ADH5: variants seen among roughly 807,000 people sequenced by gnomAD.
ADH5 encodes the protein alcohol dehydrogenase class-3.
Under a neutral mutation model 40.3 loss-of-function variants are expected in ADH5, and 32 were observed. That is an observed-to-expected ratio of 0.79 (90% CI 0.60 to 1.07). The LOEUF is 1.07. Ranked by LOEUF, ADH5 falls within the 50% of genes least tolerant of loss-of-function variation. The pLI is 0.00. For missense variants in ADH5, 353 were observed against 460.5 expected (o/e 0.77, Z 2.14); for synonymous variants, 125 against 154.3 (o/e 0.81, Z 1.41).
Position 99,076,283 on chromosome 4 carries a change from C to T in ADH5, c.825+9G>A. On this transcript the variant is annotated intron_variant, in intron 6 of 8. Transcript: ENST00000296412. ...CCATAAACTAAAAAGGAATGAAGCC[C>T]ATACTCACCATGACCTTCACATTAC... The T allele has an allele frequency of 6.2e-7, 1 of 1,613,764 alleles. No homozygotes were observed.
intron 2 of ADH5, among the ~76,000 whole-genome samples, chr4:99,083,891 C>T (rs1728076672): frequency 6.6e-6 from 1 of 152,118 alleles, no homozygotes; most frequent in East Asian, 1.9e-4. Flanking sequence ...AAGATCTCTC[C>T]AGCTGGCTAC....
chr4:99,088,664 G>C (rs1017634186), intron 1 of ADH5, 25 bp downstream of exon 1: 3 of 1,606,070 alleles, frequency 1.9e-6, no homozygotes, highest in Non-Finnish European at 2.6e-6. Context: ...CTTGGACTCA[G>C]GGCCCTCCGC....
chr4:99,083,599 CCAAAAAAAAAAA>C (rs1728070634), intron 2 of ADH5, among the ~76,000 whole-genome samples: 1 of 45,492 alleles, frequency 2.2e-5, no homozygotes, highest in South Asian at 2.3e-3. Context: ...AACTCTGTCT[CCAAAAAAAAAAA>C]AAAAAAAAAA....
At chr4:99,072,895 G>A (rs904250338) in intron 7 of ADH5, among the ~76,000 whole-genome samples, 184 bp from the exon 8 acceptor site, 1 of 152,144 alleles carries the variant, frequency 6.6e-6, no homozygotes. Flanking sequence ...AAATACTTTT[G>A]AAATTTCCCT....
chr4:99,088,727 GGCT>G lies in ADH5; in HGVS notation c.-30_-28del. 6.2e-7 allele frequency: 1 copy of G among 1,603,214 alleles called. No homozygotes were observed. Among genetic ancestry groups the G allele is most frequent in the Non-Finnish European group, 8.5e-7 (1 of 1,174,156 alleles). ...TTCACGGATTCTGGTCGGCGCGGGG[GGCT>G]GACATCCGGGGTGGGCCGCGCAGCG... On this transcript the variant is annotated 5_prime_UTR_variant, in exon 1 of 9. Coordinates refer to ENST00000296412, the MANE Select transcript of ADH5 (RefSeq NM_000671.4).
intron 4 of ADH5, among the ~76,000 whole-genome samples, chr4:99,078,294 A>C (rs1727966283): frequency 1.3e-5 from 2 of 152,212 alleles, no homozygotes; most frequent in Admixed American, 1.3e-4. Flanking sequence ...CATATGAATA[A>C]ATATACAGAT....
Position 99,085,302 on chromosome 4 carries a change from A to G in ADH5, c.13-86T>C, listed in dbSNP as rs546054850. 6 of 522,666 alleles carry G rather than the reference A, an allele frequency of 1.1e-5. No homozygotes were observed. The South Asian group carries it at 3.0e-4, about 26-fold the overall frequency. The allele number at this position is 522,666 out of a possible 1,614,324, so 32.4% of individuals were successfully genotyped here. A position where few individuals can be genotyped will look rare whatever the true frequency, so the allele number is the denominator to read the frequency against. ...GCCAATTTAGATACAGATTAATGCTAATCTTAAAAAGTATATCACAGATTC... is the reference window on the plus strand; with the variant it reads ...GCCAATTTAGATACAGATTAATGCTGATCTTAAAAAGTATATCACAGATTC... On this transcript the variant is annotated intron_variant, in intron 1 of 8. Transcript: ENST00000296412.
intron 4 of ADH5, among the ~76,000 whole-genome samples, chr4:99,078,832 A>C (rs938296229): frequency 6.6e-6 from 1 of 152,242 alleles, no homozygotes; most frequent in Non-Finnish European, 1.5e-5. Context: ...GCTTTGAAAG[A>C]ATTTAAATGG....
At chr4:99,075,999 G>GT in intron 6 of ADH5, 1 of 302,770 alleles carries the variant, frequency 3.3e-6, no homozygotes, top group Non-Finnish European at 6.2e-6. Flanking sequence ...AAGTGGATGT[G>GT]TATTTGATTC....
chr4:99,072,483 T>A, intron 8 of ADH5, 42 bp from the exon 9 acceptor site: 1 of 1,611,140 alleles, frequency 6.2e-7, no homozygotes, highest in Non-Finnish European at 8.5e-7. Context: ...ATGATACCTT[T>A]AAGACAACTA....
intron 2 of ADH5, among the ~76,000 whole-genome samples, chr4:99,083,908 C>T (rs1332723118): frequency 1.3e-5 from 2 of 152,158 alleles, no homozygotes; most frequent in South Asian, 2.1e-4. Flanking sequence ...CTACCTTGTA[C>T]AATATGCCTC....
rs1727937220 is a variant in ADH5, at chr4:99,076,631, TTTCACTA to T, written c.564+66_564+72del. ...ACTGGGTTTCATACAGATTGGCCAA[TTTCACTA>T]TTCCAGGAAAGTTTCACTGAATTAA... On this transcript the variant is annotated intron_variant, in intron 5 of 8. Coordinates refer to ENST00000296412, the MANE Select transcript of ADH5 (RefSeq NM_000671.4). 7.5e-6 allele frequency: 12 copies of T among 1,593,320 alleles called. No homozygotes were observed. In the Admixed American group the frequency reaches 2.1e-4, roughly 28 times the overall value.
At chr4:99,074,826 A>C in intron 7 of ADH5, 88 bp downstream of exon 7, 1 of 1,418,280 alleles carries the variant, frequency 7.1e-7, no homozygotes, top group Non-Finnish European at 9.5e-7. Context: ...ATTCTTGTTA[A>C]TATAAAAAAA....
intron 6 of ADH5, chr4:99,075,663 C>G (rs1727911043): frequency 1.3e-5 from 2 of 152,192 alleles, no homozygotes; most frequent in Admixed American, 6.5e-5. Context: ...AATAGTAATA[C>G]TTTTACTGAG....
chr4:99,083,968 G>A (rs1358857507), intron 2 of ADH5, among the ~76,000 whole-genome samples: 2 of 152,166 alleles, frequency 1.3e-5, no homozygotes. Flanking sequence ...AGAAGCACTA[G>A]AATAATGAAT....
chr4:99,072,527 C>G lies in ADH5; in HGVS notation c.1100+46G>C. The G allele has an allele frequency of 3.1e-6, 5 of 1,609,122 alleles. No homozygotes were observed. The East Asian group carries it at 1.1e-4, about 36-fold the overall frequency. ...TTTTTCGACTCTCCATCCCCTCAAA[C>G]TCAACATCATTATTACATTCTATGA... On this transcript the variant is annotated intron_variant, in intron 8 of 8. Transcript: ENST00000296412.
At chr4:99,081,823 A>C in intron 3 of ADH5, 152 bp downstream of exon 3, 1 of 801,126 alleles carries the variant, frequency 1.2e-6, no homozygotes, top group Non-Finnish European at 1.9e-6. Flanking sequence ...ATATCCAAAT[A>C]TTTGTGCTTC....
intron 2 of ADH5, 123 bp from the exon 3 acceptor site, chr4:99,082,239 A>C: frequency 9.4e-7 from 1 of 1,064,334 alleles, no homozygotes; most frequent in Admixed American, 3.0e-5. Flanking sequence ...CATTTCTTTC[A>C]TATTTTAACC....
At chr4:99,077,807 T>C (rs1350791192) in intron 4 of ADH5, among the ~76,000 whole-genome samples, 1 of 152,240 alleles carries the variant, frequency 6.6e-6, no homozygotes, top group African/African-American at 2.4e-5. Flanking sequence ...AAATTACTTT[T>C]GCTATTCTAA....
Sources: gnomAD v4.1 joint callset for allele counts (sites outside exome capture counted in the v4.1 genomes callset) on GRCh38, gnomAD v4.1.1 for gene constraint, MANE v1.5 for transcripts, NCBI Gene and HGNC (gene_info 2026-07-23, HGNC 2026-07-21) for gene names.